The following HDGFL3 variants were observed in gnomAD, a reference collection of about 807,000 sequenced individuals.
HDGFL3 encodes the protein HDGF like 3, also known as hepatoma-derived growth factor-related protein 3.
Under a neutral mutation model 27.6 loss-of-function variants are expected in HDGFL3, and 6 were observed. The ratio of observed to expected loss-of-function variants is 0.22; its 90% CI spans 0.12 to 0.43. The LOEUF is 0.43. HDGFL3 is among the 20% of genes least tolerant of loss of function. HDGFL3 has a pLI of 1.00. For missense variants in HDGFL3, 207 were observed against 250.1 expected (o/e 0.83, Z 1.16); for synonymous variants, 88 against 88.9 (o/e 0.99, Z 0.05).
intron 1 of HDGFL3, among the ~76,000 whole-genome samples, chr15:83,176,429 C>G (rs562263054): frequency 6.6e-6 from 1 of 152,204 alleles, no homozygotes; most frequent in South Asian, 2.1e-4. Context: ...TTGTTGTTTG[C>G]TTGCTTTGCT....
chr15:83,123,456 TTC>T (rs895567100), downstream of HDGFL3, among the ~76,000 whole-genome samples: 2 of 152,184 alleles, frequency 1.3e-5, no homozygotes, highest in Non-Finnish European at 2.9e-5. Flanking sequence ...CTAAGCTAGT[TTC>T]TCTCTGTTTC....
chr15:83,198,944 T>C (rs555775013), intron 1 of HDGFL3, among the ~76,000 whole-genome samples: 4 of 152,244 alleles, frequency 2.6e-5, no homozygotes, highest in East Asian at 1.9e-4. Context: ...ATCTCAGCAG[T>C]GTGTGTGTGC....
At chr15:83,126,640 C>T (rs552762898), downstream of HDGFL3, 30 of 794,306 alleles carry the variant, frequency 3.8e-5, no homozygotes, top group African/African-American at 3.0e-4. Flanking sequence ...ACAATGCATA[C>T]GTTTTGTTAA....
At chr15:83,171,117 G>GTA (rs2037241579) in intron 1 of HDGFL3, among the ~76,000 whole-genome samples, 2 of 152,092 alleles carry the variant, frequency 1.3e-5, no homozygotes, top group Non-Finnish European at 2.9e-5. Flanking sequence ...TGTTACATAT[G>GTA]TATACATGTG....
rs79840006 is a variant in HDGFL3, at chr15:83,187,955, T to A, written c.84+19376A>T. On this transcript the variant is annotated intron_variant, in intron 1 of 5. Coordinates refer to ENST00000299633, the MANE Select transcript of HDGFL3 (RefSeq NM_016073.4). The stretch of plus-strand genomic sequence containing the variant: ...CATTTTTATGCACTGGTGCTTCTAT[T>A]TACATGGGATAGACTTTGAGGAGAT... Among the ~76,000 whole-genome samples, 578 of 152,174 alleles carry A rather than the reference T, an allele frequency of 3.8e-3. 5 individuals are homozygous for A. The highest frequency in any genetic ancestry group is 0.013 in the African/African-American group (538 of 41,540).
chr15:83,163,114 A>G (rs970365848), intron 2 of HDGFL3, among the ~76,000 whole-genome samples: 2 of 152,206 alleles, frequency 1.3e-5, no homozygotes, highest in Admixed American at 1.3e-4. Context: ...GATGTACAGT[A>G]AGTCCACACT....
chr15:83,161,175 C>T (rs1173914371), intron 2 of HDGFL3, among the ~76,000 whole-genome samples: 2 of 152,194 alleles, frequency 1.3e-5, no homozygotes, highest in Non-Finnish European at 2.9e-5. Flanking sequence ...CTGGTATTCA[C>T]ATCAGCTACT....
At position 83,136,638 on chromosome 15, in the gene HDGFL3, T is replaced by C; in HGVS notation, c.*2632A>G. 1.2e-6 allele frequency: 2 copies of C among 1,602,560 alleles called. No homozygotes were observed. Among genetic ancestry groups the C allele is most frequent in the Non-Finnish European group, 1.7e-6 (2 of 1,177,168 alleles). On this transcript the variant is annotated 3_prime_UTR_variant, in exon 6 of 6. Coordinates refer to ENST00000299633, the MANE Select transcript of HDGFL3 (RefSeq NM_016073.4). ...CGTTGTATCTACAAACCAGAGTTCT[T>C]CATAAAAACAAAGGCAGAAGAAAAA...
At chr15:83,179,436 A>C (rs2151415051) in intron 1 of HDGFL3, among the ~76,000 whole-genome samples, 1 of 152,338 alleles carries the variant, frequency 6.6e-6, no homozygotes, top group Admixed American at 6.5e-5. Context: ...AGAGGCAAGG[A>C]AATTCCACAT....
intron 2 of HDGFL3, 103 bp from the exon 3 acceptor site, chr15:83,158,144 A>C (rs1177309079): frequency 1.0e-6 from 1 of 962,662 alleles, no homozygotes; most frequent in Non-Finnish European, 1.5e-6. Context: ...TATAGCAAAC[A>C]AATCTAAAGT....
intron 1 of HDGFL3, among the ~76,000 whole-genome samples, chr15:83,187,769 T>C (rs948203420): frequency 2.1e-4 from 32 of 151,646 alleles, no homozygotes; most frequent in Admixed American, 5.9e-4. Context: ...ATGCCTGTAA[T>C]CCCAGCTACT....
intron 1 of HDGFL3, among the ~76,000 whole-genome samples, chr15:83,176,167 A>G (rs2037307089): frequency 6.6e-6 from 1 of 152,184 alleles, no homozygotes; most frequent in African/African-American, 2.4e-5. Flanking sequence ...TTGTATATGA[A>G]GTTGCACACC....
intron 2 of HDGFL3, 152 bp downstream of exon 2, chr15:83,163,847 T>C (rs2037129923): frequency 1.7e-6 from 1 of 599,358 alleles, no homozygotes; most frequent in Non-Finnish European, 3.0e-6. Flanking sequence ...ATGAAAACTA[T>C]TTACATTAAC....
At chr15:83,122,138 C>A in intron 3 of HDGFL3, 1 of 750,882 alleles carries the variant, frequency 1.3e-6, no homozygotes, top group Non-Finnish European at 2.2e-6. Flanking sequence ...CAGAATAATT[C>A]CTTTTTCTCA....
At chr15:83,200,629 C>T (rs1247573321) in intron 1 of HDGFL3, among the ~76,000 whole-genome samples, 1 of 152,090 alleles carries the variant, frequency 6.6e-6, no homozygotes, top group Non-Finnish European at 1.5e-5. Context: ...ACATTTGATC[C>T]TTAGGAAAAA....
At chr15:83,118,064 T>TAA (rs920915609) in intron 3 of HDGFL3, among the ~76,000 whole-genome samples, 10 of 152,120 alleles carry the variant, frequency 6.6e-5, no homozygotes, top group African/African-American at 2.4e-4. Flanking sequence ...GTTTCACCAT[T>TAA]AATATAGAGA....
Position 83,207,380 on chromosome 15 carries a change from C to T in HDGFL3, c.35G>A (p.Gly12Asp). The T allele has an allele frequency of 1.4e-6, 2 of 1,402,216 alleles. No individual in the cohort carries two copies. The highest frequency in any genetic ancestry group is 9.3e-7 in the Non-Finnish European group (1 of 1,071,702). 86.9% of individuals were successfully genotyped at this position (1,402,216 alleles called of 1,614,324 possible). A position where few individuals can be genotyped will look rare whatever the true frequency, so the allele number is the denominator to read the frequency against. The change falls in exon 1 of 6, where the codon GGC becomes GAC. Residue 12 changes from glycine (G) to aspartate (D), a missense_variant. Physicochemically the swap from Gly to Asp is moderately conservative, Grantham distance 94. Coordinates refer to ENST00000299633, the MANE Select transcript of HDGFL3 (RefSeq NM_016073.4). This position sits in a 1 kb window ranked among gnomAD's most constrained non-coding sequence, Gnocchi z 4.8. ...ARPRPREYKAGDLVFAKMKGY... is the reference protein window; with the variant it reads ...ARPRPREYKADDLVFAKMKGY... ...CTTCATCTTGGCGAAGACCAGGTCG[C>T]CCGCTTTGTACTCGCGGGGCCGCGG...
intron 1 of HDGFL3, among the ~76,000 whole-genome samples, chr15:83,172,728 G>A (rs1157002806): frequency 3.3e-5 from 5 of 150,768 alleles, no homozygotes; most frequent in Admixed American, 1.3e-4. Flanking sequence ...GGCTGAGGCA[G>A]AAGAATCGCT....
In HDGFL3 at chr15:83,138,308, A is replaced by G. The variant is rs2036696164; in HGVS notation, c.*962T>C. On this transcript the variant is annotated 3_prime_UTR_variant, in exon 6 of 6. Coordinates refer to ENST00000299633, the MANE Select transcript of HDGFL3 (RefSeq NM_016073.4). Reference sequence around the variant, plus strand: ...AAGGACAAGCATTAACAGGATTGATAAAACCCAAACTGACTAAATGTGTTC... The same window carrying G: ...AAGGACAAGCATTAACAGGATTGATGAAACCCAAACTGACTAAATGTGTTC... 1 of 152,600 alleles carries G rather than the reference A, an allele frequency of 6.6e-6. No individual in the cohort carries two copies. The highest frequency in any genetic ancestry group is 1.5e-5 in the Non-Finnish European group (1 of 68,006). 9.5% of individuals were successfully genotyped at this position (152,600 alleles called of 1,614,324 possible).
Sources: gnomAD v4.1 joint callset for allele counts (sites outside exome capture counted in the v4.1 genomes callset) on GRCh38, gnomAD v4.1.1 for gene constraint, Gnocchi (gnomAD v3.1) non-coding constraint, MANE v1.5 for transcripts, NCBI Gene and HGNC (gene_info 2026-07-23, HGNC 2026-07-21) for gene names.